The following PDPR variants were observed in gnomAD, a reference collection of about 807,000 sequenced individuals.
PDPR encodes pyruvate dehydrogenase phosphatase regulatory subunit, mitochondrial.
A neutral mutation model predicts 102.2 loss-of-function variants in PDPR; 50 were observed. The observed-to-expected ratio is 0.49, with a 90% CI of 0.39 to 0.62. PDPR has a LOEUF of 0.62. PDPR is among the 20% of genes least tolerant of loss of function. PDPR has a pLI of 0.00. For synonymous variants in PDPR, 259 were observed against 406.0 expected (o/e 0.64, Z 4.35); for missense variants, 625 against 1,098.2 (o/e 0.57, Z 6.09).
chr16:70,141,074 G>A (rs1412838615), intron 11 of PDPR, among the ~76,000 whole-genome samples: 2 of 150,950 alleles, frequency 1.3e-5, no homozygotes, highest in African/African-American at 2.4e-5. Context: ...TTTTTTTTCC[G>A]AGACAGTCTT....
rs139118814 is a variant in PDPR, at chr16:70,156,281, G to T, written c.2236-194G>T. ...TACCTCTGTTGTTACAAAAATTACC[G>T]CGGCGTCTTTTATATTTCACATGCA... is the stretch of plus-strand genomic sequence containing the variant. On this transcript the variant is annotated intron_variant, in intron 18 of 18. Coordinates refer to ENST00000288050, the MANE Select transcript of PDPR (RefSeq NM_017990.5). 5.6e-5 allele frequency: 36 copies of T among 646,028 alleles called. No homozygotes were observed. In the Middle Eastern group the frequency reaches 1.8e-3, roughly 32 times the overall value. 40.0% of individuals were successfully genotyped at this position (646,028 alleles called of 1,614,324 possible).
rs1194892696 is a variant in PDPR, at chr16:70,157,445, TAAG to T, written c.*568_*570del. 2.0e-5 allele frequency: 7 copies of T among 349,212 alleles called. No homozygotes were observed. Among genetic ancestry groups the T allele is most frequent in the Admixed American group, 1.2e-4 (3 of 26,084 alleles). The allele number at this position is 349,212 out of a possible 1,614,324, so 21.6% of individuals were successfully genotyped here. ...AGAGGATGATTATCTACCTCACTGATAAGAGGCATCGCATGGACGTTCTCTGGT... is the reference window on the plus strand; with the variant it reads ...AGAGGATGATTATCTACCTCACTGATAGGCATCGCATGGACGTTCTCTGGT... On this transcript the variant is annotated 3_prime_UTR_variant, in exon 19 of 19. Coordinates refer to ENST00000288050, the MANE Select transcript of PDPR (RefSeq NM_017990.5).
rs1967875319 is a variant in PDPR, at chr16:70,162,394, G to A, written c.*5515G>A. 6.6e-6 allele frequency: 1 copy of A among 152,604 alleles called. No individual in the cohort carries two copies. The highest frequency in any genetic ancestry group is 2.1e-4 in the South Asian group (1 of 4,830). 9.5% of individuals were successfully genotyped at this position (152,604 alleles called of 1,614,324 possible). A position where few individuals can be genotyped will look rare whatever the true frequency, so the allele number is the denominator to read the frequency against. On this transcript the variant is annotated 3_prime_UTR_variant, in exon 19 of 19. Transcript: ENST00000288050. ...TTTCTAGAGATCCTGGGTGACTTTG[G>A]GTGCACAGGGTGACCGAGCATTTCT...
Position 70,156,744 on chromosome 16 carries a change from C to T in PDPR, c.2505C>T (p.Ile835=). The change falls in exon 19 of 19, where the codon ATC becomes ATT. Residue 835 remains isoleucine (I), a synonymous_variant. Coordinates refer to ENST00000288050, the MANE Select transcript of PDPR (RefSeq NM_017990.5). ...GEEQVVTADF[I]NRGEYEIDIA... ...AGCAAGTGGTGACAGCAGATTTCAT[C>T]AACCGGGGAGAGTATGAGATTGACA... 6.2e-7 allele frequency: 1 copy of T among 1,614,112 alleles called. No homozygotes were observed. The highest frequency in any genetic ancestry group is 2.2e-5 in the East Asian group (1 of 44,890).
intron 9 of PDPR, among the ~76,000 whole-genome samples, chr16:70,133,435 G>C (rs1195899094): frequency 2.4e-4 from 2 of 8,328 alleles, no homozygotes; most frequent in African/African-American, 2.4e-3. Flanking sequence ...TTTTTTTTTT[G>C]AGATAAGAGT....
At position 70,156,928 on chromosome 16, in the gene PDPR, G is replaced by A. The variant is rs1213989449; in HGVS notation, c.*49G>A. Reference sequence around the variant, plus strand: ...CTCCCCATCATCTTGTCCTAGAGTGGGCGTCACCTTGGAGCTTCTCTTCCT... The same window carrying A: ...CTCCCCATCATCTTGTCCTAGAGTGAGCGTCACCTTGGAGCTTCTCTTCCT... On this transcript the variant is annotated 3_prime_UTR_variant, in exon 19 of 19. Coordinates refer to ENST00000288050, the MANE Select transcript of PDPR (RefSeq NM_017990.5). 3 of 1,593,470 alleles carry A rather than the reference G, an allele frequency of 1.9e-6. No individual in the cohort carries two copies. Among genetic ancestry groups the A allele is most frequent in the Non-Finnish European group, 2.6e-6 (3 of 1,169,266 alleles).
intron 18 of PDPR, among the ~76,000 whole-genome samples, chr16:70,153,786 C>T (rs1022877788): frequency 4.6e-5 from 7 of 152,284 alleles, no homozygotes; most frequent in Non-Finnish European, 1.0e-4. Context: ...TGGCTCACGC[C>T]TGAATCCCAG....
chr16:70,152,509 C>T (rs760085059), intron 17 of PDPR, among the ~76,000 whole-genome samples: 3 of 152,270 alleles, frequency 2.0e-5, no homozygotes, highest in Non-Finnish European at 4.4e-5. Context: ...AAGAGCAAAA[C>T]TCTGTCTCAA....
In PDPR at chr16:70,157,247, G is replaced by C. The variant is rs944116647; in HGVS notation, c.*368G>C. The C allele has an allele frequency of 2.1e-5, 11 of 515,112 alleles. No individual in the cohort carries two copies. Among genetic ancestry groups the C allele is most frequent in the South Asian group, 7.7e-5 (5 of 64,782 alleles). 31.9% of individuals were successfully genotyped at this position (515,112 alleles called of 1,614,324 possible). ...GGCAGGGCAAGCCGGGGTGGTGCAG[G>C]TCTCAGGGCACGAGTCCCTCTCCCT... On this transcript the variant is annotated 3_prime_UTR_variant, in exon 19 of 19. Coordinates refer to ENST00000288050, the MANE Select transcript of PDPR (RefSeq NM_017990.5).
Position 70,123,453 on chromosome 16 carries a change from G to A in PDPR, c.227+2734G>A, listed in dbSNP as rs143871412. On this transcript the variant is annotated intron_variant, in intron 3 of 18. Coordinates refer to ENST00000288050, the MANE Select transcript of PDPR (RefSeq NM_017990.5). ...TGATTTCACCTTGTTGTCCAGGCTG[G>A]CCTCAAACTCCTGGGCTCAAGTGAT... 2.9e-3 allele frequency among the ~76,000 whole-genome samples: 446 copies of A among 152,212 alleles called. 1 individual carries two copies. Among genetic ancestry groups the A allele is most frequent in the African/African-American group, 0.01 (426 of 41,490 alleles).
At chr16:70,118,551 G>A (rs779371303) in intron 2 of PDPR, among the ~76,000 whole-genome samples, 11 of 152,260 alleles carry the variant, frequency 7.2e-5, no homozygotes, top group Non-Finnish European at 1.6e-4. Context: ...TTTGGCAGCA[G>A]CAGTTCCCCA....
At chr16:70,121,107 A>G (rs2152061893) in intron 3 of PDPR, among the ~76,000 whole-genome samples, 1 of 151,964 alleles carries the variant, frequency 6.6e-6, no homozygotes, top group South Asian at 2.1e-4. Context: ...AGACTTTGAC[A>G]AAAATTTGCG....
At position 70,120,649 on chromosome 16, in the gene PDPR, A is replaced by C. The variant is rs1244187353; in HGVS notation, c.157A>C (p.Thr53Pro). ...GGTGGTCATCTGTGGAGGTGGAATC[A>C]CGGGCACTTCTGTGGCCTATCACCT... ...AQVVICGGGI[T>P]GTSVAYHLSK... Residue 53 changes from threonine to proline, a missense_variant, in exon 3 of 19, where the codon ACG (threonine) becomes CCG (proline). Transcript: ENST00000288050. 6.2e-7 allele frequency: 1 copy of C among 1,613,942 alleles called. No individual in the cohort carries two copies.
intron 3 of PDPR, among the ~76,000 whole-genome samples, chr16:70,122,854 TACAC>T (rs71151173): frequency 6.9e-6 from 1 of 145,612 alleles, no homozygotes; most frequent in East Asian, 2.1e-4. Flanking sequence ...TATACACACA[TACAC>T]ACACACACAC....
chr16:70,123,410 G>GC (rs749836331), intron 3 of PDPR, among the ~76,000 whole-genome samples: 168 of 151,948 alleles, frequency 1.1e-3, no homozygotes, highest in Non-Finnish European at 2.0e-3. Flanking sequence ...CTAATTTTTT[G>GC]TTTTTTTGGT....
intron 17 of PDPR, among the ~76,000 whole-genome samples, chr16:70,150,857 G>A (rs1056203254): frequency 1.3e-5 from 2 of 152,236 alleles, no homozygotes; most frequent in Non-Finnish European, 2.9e-5. Flanking sequence ...ATAGCTCACT[G>A]TAGCCTTGAA....
chr16:70,154,938 CT>C (rs1300306976), intron 18 of PDPR, among the ~76,000 whole-genome samples: 4 of 152,198 alleles, frequency 2.6e-5, no homozygotes, highest in Non-Finnish European at 5.9e-5. Flanking sequence ...CACACCCGGC[CT>C]AATTTTTTTG....
intron 16 of PDPR, among the ~76,000 whole-genome samples, chr16:70,147,263 C>T (rs1345026736): frequency 8.2e-5 from 12 of 145,538 alleles, no homozygotes; most frequent in African/African-American, 3.0e-4. Context: ...ACACTCCAAG[C>T]TTGCTTTATT....
At chr16:70,128,218 A>T (rs1169573706) in intron 4 of PDPR, among the ~76,000 whole-genome samples, 18 of 150,064 alleles carry the variant, frequency 1.2e-4, no homozygotes, top group African/African-American at 4.2e-4. Flanking sequence ...CCTGCCCAAA[A>T]CTGTCTTTTT....
Sources: allele counts gnomAD v4.1 joint callset (sites outside exome capture counted in the v4.1 genomes callset), GRCh38; gene constraint gnomAD v4.1.1; transcripts MANE v1.5; gene names NCBI Gene and HGNC (gene_info 2026-07-23, HGNC 2026-07-21).